Variants in HSD17B3 observed in about 807,000 individuals in gnomAD.
HSD17B3 encodes hydroxysteroid 17-beta dehydrogenase 3, also known as 17-beta-hydroxysteroid dehydrogenase type 3.
HSD17B3 carries 29 observed loss-of-function variants against 41.1 expected under a neutral mutation model. The ratio of observed to expected loss-of-function variants is 0.71; its 90% confidence interval spans 0.53 to 0.96. HSD17B3 has a LOEUF of 0.96. Ranked by LOEUF, HSD17B3 falls within the 40% of genes least tolerant of loss-of-function variation. The pLI is 0.00. For synonymous variants in HSD17B3, 126 were observed against 145.6 expected, an observed-to-expected ratio of 0.87 and a Z score of 0.97; for missense variants, 323 against 374.6, an observed-to-expected ratio of 0.86 and a Z score of 1.14.
chr9:96,300,992 C>T (rs763018917), intron 1 of HSD17B3, among the ~76,000 whole-genome samples: 14 of 152,252 alleles, frequency 9.2e-5, no homozygotes, highest in Non-Finnish European at 1.3e-4. Flanking sequence ...GCACCCTGGG[C>T]TTTTTGTAAA....
intron 2 of HSD17B3, among the ~76,000 whole-genome samples, chr9:96,286,759 A>G (rs1826936628): frequency 6.6e-6 from 1 of 151,888 alleles, no homozygotes; most frequent in South Asian, 2.1e-4. Context: ...TCACTGCTAC[A>G]CCCCCACCAG....
chr9:96,270,535 T>C (rs1349641511), intron 2 of HSD17B3, among the ~76,000 whole-genome samples: 1 of 152,278 alleles, frequency 6.6e-6, no homozygotes, highest in East Asian at 1.9e-4. Context: ...CCAAAGACAC[T>C]GCCATATATT....
At chr9:96,277,453 TA>T (rs1166892084) in intron 2 of HSD17B3, among the ~76,000 whole-genome samples, 2 of 152,152 alleles carry the variant, frequency 1.3e-5, no homozygotes, top group Non-Finnish European at 2.9e-5. Context: ...AAATGGTCAA[TA>T]GGCATATGAA....
intron 2 of HSD17B3, among the ~76,000 whole-genome samples, chr9:96,257,664 G>C (rs1401612236): frequency 6.6e-6 from 1 of 152,146 alleles, no homozygotes; most frequent in African/African-American, 2.4e-5. Flanking sequence ...TGGTATTCTA[G>C]AGTTGACCTT....
intron 2 of HSD17B3, chr9:96,256,235 C>T (rs192633535): frequency 6.6e-6 from 1 of 152,172 alleles, no homozygotes; most frequent in Non-Finnish European, 1.5e-5. Flanking sequence ...GAATACTTTA[C>T]AAATTTCTGT....
chr9:96,275,093 GA>G (rs202020484), intron 2 of HSD17B3, among the ~76,000 whole-genome samples: 21 of 146,000 alleles, frequency 1.4e-4, no homozygotes, highest in African/African-American at 2.8e-4. Context: ...ATACTGAAAG[GA>G]AAAAAAAAAG....
rs182763922 is a variant in HSD17B3 at position 96,296,681 on chromosome 9, T to C, written c.201+1735A>G. Among the ~76,000 whole-genome samples, 38 of 152,274 alleles carry C rather than the reference T, an allele frequency of 2.5e-4. No homozygotes were observed. The East Asian group carries it at 6.7e-3, about 27-fold the overall frequency. Reference sequence around the variant, plus strand: ...AGAAAAATTCAGAAAAAAATTAAAATTTTTACCAAGAAAATGGTTAAATTA... The same window carrying C: ...AGAAAAATTCAGAAAAAAATTAAAACTTTTACCAAGAAAATGGTTAAATTA... On this transcript the variant is annotated intron_variant, in intron 2 of 10. Transcript: ENST00000375263.
chr9:96,273,314 A>G (rs1826332245), intron 2 of HSD17B3, among the ~76,000 whole-genome samples: 1 of 152,234 alleles, frequency 6.6e-6, no homozygotes, highest in African/African-American at 2.4e-5. Context: ...AGTCCTGATT[A>G]CAAAGAAGTT....
Position 96,245,386 on chromosome 9 carries a change from G to A in HSD17B3, c.565C>T (p.Leu189=). The part of the protein sequence containing the change: ...LILNISSGIA[L]FPWPLYSMYS... ...ATGGAGTAGAGAGGCCAAGGAAACAGGGCTATCCCAGAAGAAATGTTCAGG... is the reference window on the plus strand; with the variant it reads ...ATGGAGTAGAGAGGCCAAGGAAACAAGGCTATCCCAGAAGAAATGTTCAGG... The change falls in exon 8 of 11, where the codon CTG becomes TTG. Residue 189 remains leucine (L), a synonymous_variant. Transcript: ENST00000375263. The A allele has an allele frequency of 6.2e-7, 1 of 1,614,092 alleles. No homozygotes were observed. Among genetic ancestry groups the A allele is most frequent in the Non-Finnish European group, 8.5e-7 (1 of 1,179,952 alleles).
chr9:96,293,752 A>G (rs1002731175), intron 2 of HSD17B3, among the ~76,000 whole-genome samples: 6 of 152,188 alleles, frequency 3.9e-5, no homozygotes, highest in African/African-American at 1.4e-4. Context: ...AAAAAGCCGT[A>G]TATGTGAAAG....
chr9:96,249,852 G>T (rs1564028848), intron 5 of HSD17B3, 66 bp from the exon 6 acceptor site: 2 of 1,611,970 alleles, frequency 1.2e-6, no homozygotes, highest in Non-Finnish European at 1.7e-6. Flanking sequence ...GAAAGTAGTT[G>T]GTGCTAAAGA....
At chr9:96,237,516 G>A (rs1836278982) in intron 10 of HSD17B3, among the ~76,000 whole-genome samples, 1 of 152,226 alleles carries the variant, frequency 6.6e-6, no homozygotes, top group South Asian at 2.1e-4. Context: ...CAGGGTCTCT[G>A]TAGGTAGGGG....
intron 2 of HSD17B3, among the ~76,000 whole-genome samples, chr9:96,297,996 T>C (rs1477048164): frequency 1.3e-5 from 2 of 152,232 alleles, no homozygotes; most frequent in African/African-American, 2.4e-5. Flanking sequence ...ATGCCATTAA[T>C]GTCCTTGAAA....
intron 3 of HSD17B3, 131 bp from the exon 4 acceptor site, chr9:96,253,041 T>G (rs1403431650): frequency 1.4e-6 from 1 of 727,224 alleles, no homozygotes; most frequent in African/African-American, 1.7e-5. Flanking sequence ...CAAATAAAAA[T>G]GGGACATGGT....
intron 2 of HSD17B3, among the ~76,000 whole-genome samples, chr9:96,275,500 A>G (rs1215433866): frequency 6.6e-6 from 1 of 152,060 alleles, no homozygotes; most frequent in Non-Finnish European, 1.5e-5. Context: ...GGATCACTTT[A>G]GCCTGGGAAG....
At chr9:96,280,622 T>C (rs1052003850) in intron 2 of HSD17B3, among the ~76,000 whole-genome samples, 2 of 152,124 alleles carry the variant, frequency 1.3e-5, no homozygotes, top group Non-Finnish European at 1.5e-5. Context: ...TGTTACCATG[T>C]CAGAGGTATT....
intron 6 of HSD17B3, among the ~76,000 whole-genome samples, chr9:96,247,515 C>T (rs1380524379): frequency 6.6e-6 from 1 of 152,228 alleles, no homozygotes. Flanking sequence ...AATGTCTTCG[C>T]TGCTGGGGGG....
At chr9:96,275,091 A>AG (rs1000979486) in intron 2 of HSD17B3, among the ~76,000 whole-genome samples, 21 of 151,542 alleles carry the variant, frequency 1.4e-4, no homozygotes, top group African/African-American at 4.8e-4. Flanking sequence ...AAATACTGAA[A>AG]GGAAAAAAAA....
chr9:96,236,106 G>A (rs1011957775), intron 10 of HSD17B3, among the ~76,000 whole-genome samples: 2 of 151,396 alleles, frequency 1.3e-5, no homozygotes, highest in Non-Finnish European at 2.9e-5. Flanking sequence ...CACCATGCCC[G>A]GTCTGGAAAT....
Sources: gnomAD v4.1 joint callset for allele counts (sites outside exome capture counted in the v4.1 genomes callset) on GRCh38, gnomAD v4.1.1 for gene constraint, MANE v1.5 for transcripts, NCBI Gene and HGNC (gene_info 2026-07-23, HGNC 2026-07-21) for gene names.